CHN2: variants seen among roughly 807,000 people sequenced by gnomAD.
CHN2 encodes the protein chimerin 2.
CHN2 carries 35 observed loss-of-function variants against 56.3 expected under a neutral mutation model. The observed-to-expected ratio is 0.62, with a 90% CI of 0.47 to 0.82. The LOEUF (loss-of-function observed/expected upper bound fraction) is 0.82. Ranked by LOEUF, CHN2 falls within the 40% of genes least tolerant of loss-of-function variation. CHN2 has a pLI of 0.00. For missense variants in CHN2, 491 were observed against 580.5 expected (o/e 0.85, Z 1.58); for synonymous variants, 210 against 212.8 (o/e 0.99, Z 0.12).
chr7:29,290,916 A>T (rs1433664960), intron 1 of CHN2, among the ~76,000 whole-genome samples: 1 of 152,200 alleles, frequency 6.6e-6, no homozygotes, highest in African/African-American at 2.4e-5. Context: ...AGGAGAGCCA[A>T]GCAGGCAACT....
chr7:29,380,489 C>G (rs1562562257), intron 3 of CHN2, among the ~76,000 whole-genome samples: 1 of 152,154 alleles, frequency 6.6e-6, no homozygotes. Context: ...TTCTGTTCTC[C>G]TTTCTTTTTC....
At chr7:29,423,213 C>T (rs1804520712) in intron 6 of CHN2, among the ~76,000 whole-genome samples, 1 of 152,212 alleles carries the variant, frequency 6.6e-6, no homozygotes, top group Admixed American at 6.5e-5. Flanking sequence ...TGTCCCAGCC[C>T]AGTGATGGCC....
chr7:29,507,755 G>C lies in CHN2; in HGVS notation c.1129+390G>C, dbSNP rs545949839. ...CATTGGAAGAAGAATGATTGTCTTGGGCCACACATAAAATATACTAACATT... is the reference window on the plus strand; with the variant it reads ...CATTGGAAGAAGAATGATTGTCTTGCGCCACACATAAAATATACTAACATT... On this transcript the variant is annotated intron_variant, in intron 11 of 12. Transcript: ENST00000222792. 2.0e-5 allele frequency among the ~76,000 whole-genome samples: 3 copies of C among 151,972 alleles called. No individual in the cohort carries two copies. In the South Asian group the frequency reaches 6.3e-4, roughly 32 times the overall value.
At chr7:29,475,083 A>G (rs1317475044) in intron 6 of CHN2, among the ~76,000 whole-genome samples, 2 of 152,076 alleles carry the variant, frequency 1.3e-5, no homozygotes, top group Non-Finnish European at 2.9e-5. Context: ...CTTCCTGCCC[A>G]TTGACCCACC....
intron 1 of CHN2, chr7:29,335,800 A>C (rs1034714): frequency 2.0e-5 from 3 of 152,174 alleles, no homozygotes; most frequent in African/African-American, 7.2e-5. Flanking sequence ...AAGCAGTACC[A>C]ATGGCTGTGC....
chr7:29,340,186 A>G (rs1047012370), intron 1 of CHN2, among the ~76,000 whole-genome samples: 5 of 152,186 alleles, frequency 3.3e-5, no homozygotes, highest in Admixed American at 1.3e-4. Context: ...GAAGAAAGCA[A>G]TATTTCTAAA....
intron 7 of CHN2, among the ~76,000 whole-genome samples, chr7:29,493,075 A>G (rs1466233959): frequency 1.3e-5 from 2 of 152,220 alleles, no homozygotes; most frequent in African/African-American, 4.8e-5. Flanking sequence ...TAAGATTATA[A>G]TGGAGCTTCC....
At position 29,362,638 on chromosome 7, in the gene CHN2, G is replaced by A. The variant is rs566975777; in HGVS notation, c.89-5294G>A. On this transcript the variant is annotated intron_variant, in intron 2 of 12. Transcript: ENST00000222792. ...ACACTGGCCTCTTGCTGACCAGTCAGCTCATCATTTCCTTTCCCTGCAGTT... is the reference window on the plus strand; with the variant it reads ...ACACTGGCCTCTTGCTGACCAGTCAACTCATCATTTCCTTTCCCTGCAGTT... Among the ~76,000 whole-genome samples, 7 of 152,248 alleles carry A rather than the reference G, an allele frequency of 4.6e-5. No individual in the cohort carries two copies. The East Asian group carries it at 1.4e-3, about 29-fold the overall frequency.
At position 29,320,558 on chromosome 7, in the gene CHN2, G is replaced by A. The variant is rs1795263000; in HGVS notation, c.50-34067G>A. Among the ~76,000 whole-genome samples, 3 of 152,270 alleles carry A rather than the reference G, an allele frequency of 2.0e-5. No homozygotes were observed. The South Asian group carries it at 6.2e-4, about 32-fold the overall frequency. On this transcript the variant is annotated intron_variant, in intron 1 of 12. Transcript: ENST00000222792. Reference sequence around the variant, plus strand: ...TATGAAAGAAACATCAAAACCAACAGAGCAATTTCTAGGATATGGCATCAT... The same window carrying A: ...TATGAAAGAAACATCAAAACCAACAAAGCAATTTCTAGGATATGGCATCAT...
intron 6 of CHN2, among the ~76,000 whole-genome samples, chr7:29,405,435 G>C (rs1238001600): frequency 6.6e-6 from 1 of 152,094 alleles, no homozygotes; most frequent in Non-Finnish European, 1.5e-5. Context: ...ATTGGCTGCT[G>C]CTTTCTTCCT....
At chr7:29,224,390 T>C (rs1786038041) in intron 1 of CHN2, among the ~76,000 whole-genome samples, 1 of 152,224 alleles carries the variant, frequency 6.6e-6, no homozygotes, top group East Asian at 1.9e-4. Flanking sequence ...CTAAGTAACA[T>C]TAAGTTATAG....
intron 1 of CHN2, among the ~76,000 whole-genome samples, chr7:29,233,089 G>T (rs576038942): frequency 4.6e-5 from 7 of 152,264 alleles, no homozygotes; most frequent in African/African-American, 1.7e-4. Flanking sequence ...ACTAGTACAG[G>T]TTCAGAGCTC....
intron 6 of CHN2, among the ~76,000 whole-genome samples, chr7:29,421,363 C>T (rs1804329367): frequency 6.6e-6 from 1 of 152,118 alleles, no homozygotes; most frequent in Admixed American, 6.5e-5. Context: ...ACTTTAGTGC[C>T]TCTCAGAAGT....
intron 2 of CHN2, among the ~76,000 whole-genome samples, chr7:29,176,663 T>C (rs1046562380): frequency 2.6e-4 from 40 of 152,158 alleles, no homozygotes; most frequent in South Asian, 2.1e-4. Context: ...AGATCTAATA[T>C]ACAAGAAAGA....
At position 29,262,083 on chromosome 7, in the gene CHN2, G is replaced by T. The variant is rs544710938; in HGVS notation, c.49+67093G>T. On this transcript the variant is annotated intron_variant, in intron 1 of 12. Coordinates refer to ENST00000222792, the MANE Select transcript of CHN2 (RefSeq NM_004067.4). ...CTCGGGAGGCTGAGGCAGGAGAATC[G>T]CTTGAATCTGGAAGGCAGAGGTTGC... Among the ~76,000 whole-genome samples, 15 of 152,230 alleles carry T rather than the reference G, an allele frequency of 9.9e-5. No homozygotes were observed. The South Asian group carries it at 2.9e-3, about 29-fold the overall frequency.
At chr7:29,316,286 C>G (rs1336257594) in intron 1 of CHN2, among the ~76,000 whole-genome samples, 1 of 152,186 alleles carries the variant, frequency 6.6e-6, no homozygotes, top group African/African-American at 2.4e-5. Flanking sequence ...TTTTTGCCAT[C>G]TATATAATGC....
intron 6 of CHN2, among the ~76,000 whole-genome samples, chr7:29,443,473 T>C (rs1047725424): frequency 2.0e-5 from 3 of 152,324 alleles, no homozygotes; most frequent in Non-Finnish European, 4.4e-5. Context: ...ATGATGCATT[T>C]CTCAGAACGT....
chr7:29,466,862 C>CA (rs150904810), intron 6 of CHN2, among the ~76,000 whole-genome samples: 3,673 of 152,146 alleles, frequency 0.024, 149 homozygotes, highest in African/African-American at 0.081. Context: ...TTTTCTGTGG[C>CA]AAAGTTTTTC....
At chr7:29,238,269 T>C (rs1259071370) in intron 1 of CHN2, among the ~76,000 whole-genome samples, 7 of 152,074 alleles carry the variant, frequency 4.6e-5, no homozygotes, top group African/African-American at 1.4e-4. Context: ...CCGCCTGCCT[T>C]GGCCTCCCAA....
Sources: allele counts gnomAD v4.1 joint callset (sites outside exome capture counted in the v4.1 genomes callset), GRCh38; gene constraint gnomAD v4.1.1; transcripts MANE v1.5; gene names NCBI Gene and HGNC (gene_info 2026-07-23, HGNC 2026-07-21).